Variants in WDFY3 observed in about 807,000 individuals in gnomAD.
WDFY3 encodes the protein WD repeat and FYVE domain-containing protein 3.
Under a neutral mutation model 409.6 loss-of-function variants are expected in WDFY3, and 66 were observed. That is an observed-to-expected ratio of 0.16 (90% CI 0.13 to 0.20). WDFY3 has a LOEUF of 0.20. WDFY3 is among the 10% of genes least tolerant of loss of function. The probability of loss-of-function intolerance (pLI) is 1.00; values close to 1 mark genes in which losing one functional copy is unlikely to be tolerated. For missense variants in WDFY3, 3,031 were observed against 4,298.1 expected (o/e 0.71, Z 8.24); for synonymous variants, 1,521 against 1,537.1 (o/e 0.99, Z 0.25).
chr4:84,881,091 T>C (rs1251594754), intron 3 of WDFY3, among the ~76,000 whole-genome samples: 1 of 152,072 alleles, frequency 6.6e-6, no homozygotes, highest in Admixed American at 6.6e-5. Flanking sequence ...TTTTTCAATA[T>C]AGCCTTATTC....
At chr4:84,902,937 A>C (rs1335921583) in intron 2 of WDFY3, among the ~76,000 whole-genome samples, 1 of 152,204 alleles carries the variant, frequency 6.6e-6, no homozygotes, top group East Asian at 1.9e-4. Flanking sequence ...CTAACCAAGC[A>C]CTTGTAGTCC....
chr4:84,826,871 G>A lies in WDFY3; in HGVS notation c.1067C>T (p.Thr356Ile). The part of the protein sequence containing the change: ...GVSELKPAGI[T>I]TGAPFLLPGF... The stretch of plus-strand genomic sequence containing the variant: ...AGGCAATAAAAAGGGTGCCCCTGTG[G>A]TAATACCAGCTGGTTTTAGTTCACT... The change falls in exon 10 of 68, where the codon ACC (threonine) becomes ATC (isoleucine). Residue 356 changes from threonine to isoleucine, a missense_variant. Coordinates refer to ENST00000295888, the MANE Select transcript of WDFY3 (RefSeq NM_014991.6). 1 of 1,610,408 alleles carries A rather than the reference G, an allele frequency of 6.2e-7. No homozygotes were observed.
At chr4:84,954,623 A>G (rs1168910726) in intron 1 of WDFY3, among the ~76,000 whole-genome samples, 1 of 152,212 alleles carries the variant, frequency 6.6e-6, no homozygotes, top group Non-Finnish European at 1.5e-5. Flanking sequence ...AGTAACAGTG[A>G]ACATTTATTT....
chr4:84,927,563 T>C (rs973492539), intron 2 of WDFY3, among the ~76,000 whole-genome samples: 1 of 152,222 alleles, frequency 6.6e-6, no homozygotes, highest in Non-Finnish European at 1.5e-5. Context: ...CCTTGAATTG[T>C]AATCCCCATA....
At chr4:84,960,885 G>A (rs925102715) in intron 1 of WDFY3, among the ~76,000 whole-genome samples, 2 of 152,154 alleles carry the variant, frequency 1.3e-5, no homozygotes, top group African/African-American at 4.8e-5. Context: ...GTTGATATGA[G>A]CTATGTGTAA....
chr4:84,737,476 T>C (rs1368865477), intron 40 of WDFY3, 110 bp from the exon 41 acceptor site: 2 of 1,250,560 alleles, frequency 1.6e-6, no homozygotes, highest in Middle Eastern at 2.9e-4. Flanking sequence ...TCGACTACAG[T>C]ATTTAATGTA....
rs189452917 is a variant in WDFY3, at chr4:84,843,682, T to C, written c.305-2419A>G. Among the ~76,000 whole-genome samples the C allele has an allele frequency of 3.1e-3, 472 of 152,320 alleles. 2 individuals are homozygous for C. The highest frequency in any genetic ancestry group is 0.011 in the African/African-American group (461 of 41,568). ...CCAAACTACTGGGATTACTTGTACC[T>C]GGGTGTGAGCTACTGTGCCCAGCCT... On this transcript the variant is annotated intron_variant, in intron 5 of 67. Coordinates refer to ENST00000295888, the MANE Select transcript of WDFY3 (RefSeq NM_014991.6).
Position 84,890,696 on chromosome 4 carries a change from A to G in WDFY3, c.-32+6215T>C, listed in dbSNP as rs372138376. Among the ~76,000 whole-genome samples the G allele has an allele frequency of 2.6e-5, 4 of 152,240 alleles. No homozygotes were observed. The South Asian group carries it at 8.3e-4, about 31-fold the overall frequency. ...AGGGTCAGATAGCAAATATTTTGCC[A>G]TGCGGTTTCTGTTACAACCTTAACA... On this transcript the variant is annotated intron_variant, in intron 3 of 67. Coordinates refer to ENST00000295888, the MANE Select transcript of WDFY3 (RefSeq NM_014991.6).
intron 56 of WDFY3, among the ~76,000 whole-genome samples, chr4:84,701,012 C>T (rs144881327): frequency 6.6e-6 from 1 of 152,170 alleles, no homozygotes; most frequent in Non-Finnish European, 1.5e-5. Flanking sequence ...TGGGAGGCTG[C>T]AGCACGAGAA....
intron 1 of WDFY3, among the ~76,000 whole-genome samples, chr4:84,963,907 GCTGAA>G (rs1156399571): frequency 6.6e-6 from 1 of 152,146 alleles, no homozygotes; most frequent in Non-Finnish European, 1.5e-5. Context: ...ACGTCTATGT[GCTGAA>G]CTCTTAATCA....
At chr4:84,756,069 A>G (rs1741384004) in intron 33 of WDFY3, among the ~76,000 whole-genome samples, 1 of 152,206 alleles carries the variant, frequency 6.6e-6, no homozygotes, top group African/African-American at 2.4e-5. Flanking sequence ...CTAAATTCCT[A>G]CAGTGCCACA....
chr4:84,744,852 C>CAAAAAA (rs1165273561), intron 36 of WDFY3, among the ~76,000 whole-genome samples: 1 of 15,740 alleles, frequency 6.4e-5, no homozygotes, highest in Non-Finnish European at 1.2e-4. Flanking sequence ...GACTCCGTCT[C>CAAAAAA]AAAAAAAAAA....
intron 50 of WDFY3, among the ~76,000 whole-genome samples, chr4:84,713,546 G>C (rs1733306609): frequency 6.6e-6 from 1 of 152,106 alleles, no homozygotes; most frequent in South Asian, 2.1e-4. Context: ...ACATCCACAG[G>C]CCCTTTATTT....
intron 15 of WDFY3, chr4:84,803,907 A>C (rs991397957): frequency 6.5e-6 from 1 of 154,688 alleles, no homozygotes; most frequent in Admixed American, 6.3e-5. Flanking sequence ...ACCTTTCCTT[A>C]GTGCATGAGT....
intron 1 of WDFY3, among the ~76,000 whole-genome samples, chr4:84,933,960 A>G (rs1771094816): frequency 6.6e-6 from 1 of 152,094 alleles, no homozygotes; most frequent in African/African-American, 2.4e-5. Context: ...AATCTTGGTT[A>G]TTGGTAACAG....
At chr4:84,947,095 C>T (rs942445715) in intron 1 of WDFY3, among the ~76,000 whole-genome samples, 4 of 151,796 alleles carry the variant, frequency 2.6e-5, no homozygotes, top group Non-Finnish European at 5.9e-5. Flanking sequence ...GCGTGAGCCA[C>T]CGTGCCCGGC....
rs368085690 is a variant in WDFY3, at chr4:84,774,758, CA to C, written c.4754+61del. 1.2e-3 allele frequency: 1,851 copies of C among 1,496,430 alleles called. 22 individuals carry two copies. The African/African-American group carries it at 0.021, about 17-fold the overall frequency. 92.7% of individuals were successfully genotyped at this position (1,496,430 alleles called of 1,614,324 possible). A position where few individuals can be genotyped will look rare whatever the true frequency, so the allele number is the denominator to read the frequency against. Reference sequence around the variant, plus strand: ...AAAAACCAATTAAATTCATCTCATCCATCTTAACCTCATTGGTACTTTTAGT... The same window carrying C: ...AAAAACCAATTAAATTCATCTCATCCTCTTAACCTCATTGGTACTTTTAGT... On this transcript the variant is annotated intron_variant, in intron 29 of 67. Coordinates refer to ENST00000295888, the MANE Select transcript of WDFY3 (RefSeq NM_014991.6).
intron 59 of WDFY3, among the ~76,000 whole-genome samples, chr4:84,692,523 A>C (rs1729427555): frequency 6.6e-6 from 1 of 152,180 alleles, no homozygotes; most frequent in African/African-American, 2.4e-5. Flanking sequence ...TTTTACTAAT[A>C]TATCGGATAG....
At chr4:84,919,550 T>C (rs113703684) in intron 2 of WDFY3, among the ~76,000 whole-genome samples, 4,255 of 152,252 alleles carry the variant, frequency 0.028, 96 homozygotes, top group South Asian at 0.11. Flanking sequence ...AATCCCCACA[T>C]GTCATGGGAG....
Sources: gnomAD v4.1 joint callset for allele counts (sites outside exome capture counted in the v4.1 genomes callset) on GRCh38, gnomAD v4.1.1 for gene constraint, MANE v1.5 for transcripts, NCBI Gene and HGNC (gene_info 2026-07-23, HGNC 2026-07-21) for gene names.